Variants in MEIS2 observed in about 807,000 individuals in gnomAD.
MEIS2 encodes the protein Meis homeobox 2.
MEIS2 carries 9 observed loss-of-function variants against 58.6 expected under a neutral mutation model. The ratio of observed to expected loss-of-function variants is 0.15; its 90% confidence interval spans 0.09 to 0.27. The LOEUF (loss-of-function observed/expected upper bound fraction) is 0.27. Among genes scored for constraint, MEIS2 ranks in the 10% least tolerant of loss-of-function variants. The pLI, the probability that MEIS2 is intolerant of heterozygous loss-of-function variation, is 1.00. For missense variants in MEIS2, 427 were observed against 635.0 expected (o/e 0.67, Z 3.52); for synonymous variants, 221 against 228.4 (o/e 0.97, Z 0.29).
chr15:37,043,645 TA>T (rs756916158), intron 7 of MEIS2, among the ~76,000 whole-genome samples: 6 of 151,838 alleles, frequency 4.0e-5, no homozygotes, highest in Non-Finnish European at 7.4e-5. Flanking sequence ...GTGTTTTCAG[TA>T]ACCAGTTCTC....
intron 11 of MEIS2, 136 bp downstream of exon 11, chr15:36,895,015 G>T: frequency 2.2e-6 from 2 of 925,878 alleles, no homozygotes; most frequent in Non-Finnish European, 3.3e-6. Context: ...CCCACCCAAT[G>T]TAAAGAAAGC....
chr15:37,081,886 G>C (rs1373443262), intron 7 of MEIS2, among the ~76,000 whole-genome samples: 1 of 152,116 alleles, frequency 6.6e-6, no homozygotes, highest in Non-Finnish European at 1.5e-5. Context: ...CTATATATCA[G>C]TCTCAGAATT....
chr15:36,990,098 C>T lies in MEIS2; in HGVS notation c.901-39698G>A, dbSNP rs556789828. On this transcript the variant is annotated intron_variant, in intron 8 of 11. Transcript: ENST00000561208. ...TAGCTGGGACTACAGGCGCCCGCCACCACGCCCAGCTAAATTTTTTGTATT... is the reference window on the plus strand; with the variant it reads ...TAGCTGGGACTACAGGCGCCCGCCATCACGCCCAGCTAAATTTTTTGTATT... Among the ~76,000 whole-genome samples, 5 of 152,264 alleles carry T rather than the reference C, an allele frequency of 3.3e-5. No homozygotes were observed. The South Asian group carries it at 6.2e-4, about 19-fold the overall frequency.
At chr15:37,061,412 A>T (rs1311290108) in intron 7 of MEIS2, among the ~76,000 whole-genome samples, 1 of 152,210 alleles carries the variant, frequency 6.6e-6, no homozygotes, top group African/African-American at 2.4e-5. Flanking sequence ...TAGTTTCTAT[A>T]ATCCATAAAA....
At chr15:37,092,746 T>C (rs1207642490) in intron 6 of MEIS2, among the ~76,000 whole-genome samples, 1 of 120,576 alleles carries the variant, frequency 8.3e-6, no homozygotes, top group Admixed American at 9.7e-5. Context: ...TTTTTTTTTT[T>C]TAGCATCAGA....
chr15:37,049,572 C>T (rs111938667), intron 7 of MEIS2, among the ~76,000 whole-genome samples: 5,551 of 151,844 alleles, frequency 0.037, 149 homozygotes, highest in East Asian at 0.089. Context: ...TTGCAACCTC[C>T]GCCTCTTGGG....
At chr15:37,016,591 T>C (rs551259057) in intron 8 of MEIS2, among the ~76,000 whole-genome samples, 4 of 152,278 alleles carry the variant, frequency 2.6e-5, no homozygotes, top group Non-Finnish European at 5.9e-5. Flanking sequence ...CAAGATGTTC[T>C]TAGAGAGTAG....
intron 7 of MEIS2, among the ~76,000 whole-genome samples, chr15:37,059,961 C>T (rs574543063): frequency 4.6e-5 from 7 of 152,154 alleles, no homozygotes; most frequent in Admixed American, 1.3e-4. Context: ...AACAGGGTCT[C>T]ACGCTGTCAC....
chr15:37,060,412 A>G (rs1223964774), intron 7 of MEIS2, among the ~76,000 whole-genome samples: 1 of 152,192 alleles, frequency 6.6e-6, no homozygotes, highest in Non-Finnish European at 1.5e-5. Flanking sequence ...TAGGTATTTC[A>G]GTGTTCTACA....
At chr15:36,930,870 G>T (rs969461239) in intron 9 of MEIS2, among the ~76,000 whole-genome samples, 3 of 152,152 alleles carry the variant, frequency 2.0e-5, no homozygotes, top group Admixed American at 2.0e-4. Context: ...ACCTCTCTTT[G>T]TGGGTTTGAT....
At chr15:36,936,696 A>T (rs1450534966) in intron 9 of MEIS2, among the ~76,000 whole-genome samples, 2 of 152,250 alleles carry the variant, frequency 1.3e-5, no homozygotes, top group Non-Finnish European at 2.9e-5. Context: ...ACAAAATAAC[A>T]TATTCTCATA....
intron 8 of MEIS2, 151 bp from the exon 9 acceptor site, chr15:36,950,551 C>G: frequency 2.8e-6 from 2 of 715,318 alleles, no homozygotes; most frequent in Middle Eastern, 3.6e-4. Context: ...GAAATGTGGG[C>G]AGGGACAAGA....
intron 9 of MEIS2, among the ~76,000 whole-genome samples, chr15:36,940,840 G>A (rs1220198707): frequency 6.6e-6 from 1 of 152,120 alleles, no homozygotes; most frequent in African/African-American, 2.4e-5. Flanking sequence ...TGGACTTGAT[G>A]GGGTCATAGA....
intron 7 of MEIS2, among the ~76,000 whole-genome samples, chr15:37,077,002 T>C (rs1168267471): frequency 6.6e-6 from 1 of 152,124 alleles, no homozygotes; most frequent in African/African-American, 2.4e-5. Flanking sequence ...GATACATCTG[T>C]CCCTTAGTCA....
chr15:37,075,398 T>TA (rs1467373405), intron 7 of MEIS2, among the ~76,000 whole-genome samples: 1 of 152,022 alleles, frequency 6.6e-6, no homozygotes, highest in African/African-American at 2.4e-5. Context: ...ATTGACATAT[T>TA]TAAGACAGTA....
At chr15:36,926,404 A>T (rs1172033012) in intron 9 of MEIS2, among the ~76,000 whole-genome samples, 1 of 152,174 alleles carries the variant, frequency 6.6e-6, no homozygotes, top group East Asian at 1.9e-4. Flanking sequence ...TGAAAATTTT[A>T]GATGAAAACA....
rs534636474 is a variant in MEIS2, at chr15:36,895,169, T to G, written c.1129A>C (p.Met377Leu). ...AACCTACCTGCAGGCCGGATCCCCA[T>G]GTGTTGCTGACCATCCAACACAAAG... Reference protein sequence around the residue: ...GSFVLDGQQHMGIRPAGLQSM... With the variant: ...GSFVLDGQQHLGIRPAGLQSM... The change falls in exon 11 of 12, where the codon ATG becomes CTG. Residue 377 changes from methionine to leucine, a missense_variant. Around this residue, in one of 6 missense-constraint regions of MEIS2, gnomAD observed 154 missense variants for 148.1 expected, o/e 1.04. Transcript: ENST00000561208. 69 of 1,613,942 alleles carry G rather than the reference T, an allele frequency of 4.3e-5. No individual in the cohort carries two copies. Among genetic ancestry groups the G allele is most frequent in the Non-Finnish European group, 5.6e-5 (66 of 1,180,034 alleles).
chr15:36,950,895 A>C (rs1161335682), intron 8 of MEIS2, among the ~76,000 whole-genome samples: 1 of 152,090 alleles, frequency 6.6e-6, no homozygotes, highest in Non-Finnish European at 1.5e-5. Context: ...AATCACAACT[A>C]TTCTTGTAAG....
chr15:36,896,346 G>T (rs1449752970), intron 10 of MEIS2, among the ~76,000 whole-genome samples: 1 of 152,162 alleles, frequency 6.6e-6, no homozygotes, highest in Admixed American at 6.5e-5. Context: ...AAGGGGTAAT[G>T]CCAGAGCTCA....
Sources: gnomAD v4.1 joint callset for allele counts (sites outside exome capture counted in the v4.1 genomes callset) on GRCh38, gnomAD v4.1.1 for gene constraint, gnomAD v4.1.1 regional missense constraint, MANE v1.5 for transcripts, NCBI Gene and HGNC (gene_info 2026-07-23, HGNC 2026-07-21) for gene names.